NTM: variants seen among roughly 807,000 people sequenced by gnomAD.
NTM encodes IgLON family member 2.
In NTM, 13 loss-of-function variants were observed where a neutral mutation model predicts 42.1. That is an observed-to-expected ratio of 0.31 (90% confidence interval 0.20 to 0.49). NTM has a LOEUF of 0.49. NTM is among the 20% of genes least tolerant of loss of function. The pLI, the probability that NTM is intolerant of heterozygous loss-of-function variation, is 0.99. For synonymous variants in NTM, 187 were observed against 179.2 expected (o/e 1.04, Z -0.35); for missense variants, 373 against 452.8 (o/e 0.82, Z 1.60).
At chr11:131,514,049 G>GATA (rs1031332640) in intron 1 of NTM, among the ~76,000 whole-genome samples, 1 of 151,956 alleles carries the variant, frequency 6.6e-6, no homozygotes, top group African/African-American at 2.4e-5. Flanking sequence ...TATTATTAAT[G>GATA]ATAATAATAA....
At chr11:131,605,771 G>C (rs1371492019) in intron 1 of NTM, 5 of 983,130 alleles carry the variant, frequency 5.1e-6, no homozygotes, top group African/African-American at 1.8e-5. Flanking sequence ...ATAAATAAAG[G>C]TGCCCTATTC....
intron 1 of NTM, among the ~76,000 whole-genome samples, chr11:131,694,391 T>A (rs1451109930): frequency 1.3e-5 from 2 of 152,208 alleles, no homozygotes; most frequent in Non-Finnish European, 2.9e-5. Context: ...GGTGATTTTT[T>A]AAAATGCAAA....
At chr11:131,809,672 T>C (rs2092658033) in intron 1 of NTM, among the ~76,000 whole-genome samples, 1 of 152,242 alleles carries the variant, frequency 6.6e-6, no homozygotes. Context: ...TTTGGAGAAC[T>C]CTTCCTGATT....
intron 2 of NTM, among the ~76,000 whole-genome samples, chr11:131,929,656 G>GA (rs745644363): frequency 3.3e-5 from 5 of 152,110 alleles, no homozygotes; most frequent in Admixed American, 2.0e-4. Flanking sequence ...ACAGGACAAA[G>GA]CTCATTTCTG....
intron 3 of NTM, among the ~76,000 whole-genome samples, chr11:132,179,242 T>G (rs1017825426): frequency 1.3e-5 from 2 of 152,138 alleles, no homozygotes; most frequent in Non-Finnish European, 2.9e-5. Context: ...GGAATGAGTC[T>G]AGATTTAAAG....
At chr11:132,204,004 G>A (rs895896189) in intron 3 of NTM, among the ~76,000 whole-genome samples, 2 of 152,298 alleles carry the variant, frequency 1.3e-5, no homozygotes, top group East Asian at 1.9e-4. Context: ...ATCCTCATCT[G>A]TAAAGTGTGG....
intron 1 of NTM, among the ~76,000 whole-genome samples, chr11:131,593,282 T>C (rs1213879109): frequency 4.6e-5 from 7 of 152,192 alleles, no homozygotes; most frequent in African/African-American, 1.4e-4. Flanking sequence ...TCAGGATGTC[T>C]GGAGATTACA....
intron 2 of NTM, among the ~76,000 whole-genome samples, chr11:132,024,911 A>G (rs577042046): frequency 9.8e-5 from 15 of 152,336 alleles, no homozygotes; most frequent in Admixed American, 9.1e-4. Context: ...GGACTAGACT[A>G]TGCTGTGGAA....
In NTM at chr11:132,255,777, C is replaced by T. The variant is rs115585309; in HGVS notation, c.526+43630C>T. ...TTGCTCTGCTTTCCATGCAGCTCTG[C>T]CTTCCACTTGGGTGCCCACTTCCAT... On this transcript the variant is annotated intron_variant, in intron 4 of 8. Coordinates refer to ENST00000683400, the MANE Select transcript of NTM (RefSeq NM_001352005.2). 9.5e-3 allele frequency among the ~76,000 whole-genome samples: 1,451 copies of T among 152,222 alleles called. 18 individuals carry two copies. Among genetic ancestry groups the T allele is most frequent in the African/African-American group, 0.033 (1,375 of 41,532 alleles).
chr11:131,933,493 C>T lies in NTM; in HGVS notation c.167+21845C>T, dbSNP rs375746464. 3.9e-5 allele frequency among the ~76,000 whole-genome samples: 6 copies of T among 152,238 alleles called. No homozygotes were observed. The East Asian group carries it at 1.2e-3, about 29-fold the overall frequency. On this transcript the variant is annotated intron_variant, in intron 2 of 8. Coordinates refer to ENST00000683400, the MANE Select transcript of NTM (RefSeq NM_001352005.2). ...TTATCTAGGTTAAAGGTACGAAACG[C>T]ACTGTTTTCCACTCTAGCTGCTGGG... is the stretch of plus-strand genomic sequence containing the variant.
chr11:131,556,801 C>T (rs1485564861), intron 1 of NTM, among the ~76,000 whole-genome samples: 2 of 152,060 alleles, frequency 1.3e-5, no homozygotes, highest in Non-Finnish European at 2.9e-5. Flanking sequence ...CTCCTGACCT[C>T]GTGACTCACC....
intron 1 of NTM, among the ~76,000 whole-genome samples, chr11:131,547,970 T>C (rs1305184606): frequency 6.6e-6 from 1 of 152,126 alleles, no homozygotes; most frequent in Non-Finnish European, 1.5e-5. Flanking sequence ...TTGTTTTCAA[T>C]CATACCAAGA....
chr11:131,851,913 T>A (rs1044481846), intron 1 of NTM, among the ~76,000 whole-genome samples: 1 of 150,910 alleles, frequency 6.6e-6, no homozygotes, highest in African/African-American at 2.4e-5. Flanking sequence ...TCATAAAGAG[T>A]TCTGAAGAAG....
intron 4 of NTM, among the ~76,000 whole-genome samples, chr11:132,219,018 C>T (rs1387859847): frequency 3.3e-5 from 5 of 152,104 alleles, no homozygotes; most frequent in Admixed American, 3.3e-4. Flanking sequence ...GGCGTGAACC[C>T]TGGCGTTTTC....
At chr11:132,236,241 C>A (rs1399569937) in intron 4 of NTM, among the ~76,000 whole-genome samples, 1 of 152,140 alleles carries the variant, frequency 6.6e-6, no homozygotes, top group African/African-American at 2.4e-5. Flanking sequence ...CCATTGTAAT[C>A]TTCATTTTAC....
intron 1 of NTM, among the ~76,000 whole-genome samples, chr11:131,880,013 A>G (rs2049213099): frequency 6.6e-6 from 1 of 152,250 alleles, no homozygotes; most frequent in African/African-American, 2.4e-5. Context: ...GCATAGAGCC[A>G]TAGTGGACAG....
intron 2 of NTM, among the ~76,000 whole-genome samples, chr11:132,028,772 G>A (rs1202271693): frequency 1.3e-5 from 2 of 152,124 alleles, no homozygotes; most frequent in Non-Finnish European, 2.9e-5. Context: ...TTGAGGGCAG[G>A]CCTTCATAAG....
At chr11:131,592,585 C>G (rs919348932) in intron 1 of NTM, among the ~76,000 whole-genome samples, 2 of 150,482 alleles carry the variant, frequency 1.3e-5, no homozygotes, top group African/African-American at 4.9e-5. Flanking sequence ...GCCAAACAAC[C>G]ACGACCTGAA....
intron 1 of NTM, among the ~76,000 whole-genome samples, chr11:131,589,167 A>ATGTGTGTGTGTGTGTGTGTGTGTGTGTG (rs58237274): frequency 7.0e-6 from 1 of 143,508 alleles, no homozygotes; most frequent in African/African-American, 2.6e-5. Context: ...ACCTGGAAAA[A>ATGTGTGTGTGTGTGTGTGTGTGTGTGTG]TGTGTGTGTG....
Sources: allele counts gnomAD v4.1 joint callset (sites outside exome capture counted in the v4.1 genomes callset), GRCh38; gene constraint gnomAD v4.1.1; transcripts MANE v1.5; gene names NCBI Gene and HGNC (gene_info 2026-07-23, HGNC 2026-07-21).